NRXN3: variants seen among roughly 807,000 people sequenced by gnomAD.
NRXN3 encodes neurexin 3.
A neutral mutation model predicts 137.6 loss-of-function variants in NRXN3; 32 were observed. The observed-to-expected ratio is 0.23, with a 90% CI of 0.18 to 0.31. NRXN3 has a LOEUF of 0.31. NRXN3 is among the 10% of genes least tolerant of loss of function. NRXN3 has a pLI of 1.00. For missense variants in NRXN3, 1,574 were observed against 2,062.5 expected (o/e 0.76, Z 4.59); for synonymous variants, 798 against 784.5 (o/e 1.02, Z -0.29).
At chr14:79,589,656 T>C (rs2153819709) in intron 16 of NRXN3, among the ~76,000 whole-genome samples, 1 of 151,434 alleles carries the variant, frequency 6.6e-6, no homozygotes, top group African/African-American at 2.4e-5. Flanking sequence ...GCTTTTTAAG[T>C]GGCATTTTCT....
At chr14:78,782,450 G>T (rs1002337750) in intron 8 of NRXN3, among the ~76,000 whole-genome samples, 20 of 152,242 alleles carry the variant, frequency 1.3e-4, no homozygotes, top group Admixed American at 1.2e-3. Context: ...GAAAAACAAC[G>T]CCTCTGGTTG....
At chr14:79,817,548 C>T (rs1223389850) in intron 20 of NRXN3, among the ~76,000 whole-genome samples, 1 of 152,132 alleles carries the variant, frequency 6.6e-6, no homozygotes, top group African/African-American at 2.4e-5. Context: ...TCACAGCAAT[C>T]ATGTGAGAGT....
intron 1 of NRXN3, among the ~76,000 whole-genome samples, chr14:78,176,732 T>C (rs1225150657): frequency 6.6e-6 from 1 of 152,140 alleles, no homozygotes; most frequent in African/African-American, 2.4e-5. Flanking sequence ...TAGGGCTCTT[T>C]CTACTCCATC....
chr14:78,832,578 C>T (rs1400530719), intron 10 of NRXN3, among the ~76,000 whole-genome samples: 1 of 151,900 alleles, frequency 6.6e-6, no homozygotes, highest in Non-Finnish European at 1.5e-5. Context: ...CAGCATGTTT[C>T]TCAGTGGGGA....
rs1352315393 is a variant in NRXN3 at position 78,495,237 on chromosome 14, A to T, written c.758-149883A>T. Among the ~76,000 whole-genome samples, 3 of 151,858 alleles carry T rather than the reference A, an allele frequency of 2.0e-5. 1 individual carries two copies. The highest frequency in any genetic ancestry group is 2.0e-4 in the Admixed American group (3 of 15,216). On this transcript the variant is annotated intron_variant, in intron 4 of 20. Transcript: ENST00000335750. ...CATTTTTCATTCCATTTCTACTGGG[A>T]TGAGCAAAATTGACAGCTTCTAGAC...
At chr14:79,270,579 A>C (rs116563077) in intron 15 of NRXN3, among the ~76,000 whole-genome samples, 1,872 of 152,282 alleles carry the variant, frequency 0.012, 40 homozygotes, top group African/African-American at 0.043. Context: ...CATTCCCTGC[A>C]TGATTTCAGA....
chr14:78,506,001 G>A (rs1204619520), intron 4 of NRXN3, among the ~76,000 whole-genome samples: 34 of 152,074 alleles, frequency 2.2e-4, no homozygotes, highest in Admixed American at 2.2e-3. Flanking sequence ...CGCTTAACCT[G>A]TGATCTACCC....
intron 2 of NRXN3, among the ~76,000 whole-genome samples, chr14:78,254,099 C>T (rs2069106671): frequency 6.6e-6 from 1 of 152,190 alleles, no homozygotes; most frequent in South Asian, 2.1e-4. Context: ...GCTAGCAGTA[C>T]ACATACCACT....
chr14:78,299,646 AT>A (rs2153528979), intron 4 of NRXN3, among the ~76,000 whole-genome samples: 1 of 152,236 alleles, frequency 6.6e-6, no homozygotes, highest in South Asian at 2.1e-4. Context: ...CTTGATCTTG[AT>A]TTAACTTATT....
chr14:79,008,594 T>C (rs2099560658), intron 15 of NRXN3, among the ~76,000 whole-genome samples: 1 of 151,996 alleles, frequency 6.6e-6, no homozygotes, highest in Non-Finnish European at 1.5e-5. Context: ...CAAAATAAAA[T>C]TCCTGGGGTT....
chr14:78,594,624 G>C (rs1447408277), intron 4 of NRXN3, among the ~76,000 whole-genome samples: 1 of 152,036 alleles, frequency 6.6e-6, no homozygotes, highest in Admixed American at 6.5e-5. Flanking sequence ...TTCATATTTG[G>C]GCCAGAAGTC....
chr14:78,954,351 A>G (rs2099392611), intron 10 of NRXN3, among the ~76,000 whole-genome samples: 1 of 152,212 alleles, frequency 6.6e-6, no homozygotes, highest in Non-Finnish European at 1.5e-5. Flanking sequence ...ATACTATTCC[A>G]TATCATTTTA....
At chr14:79,534,484 G>A (rs1216206417) in intron 16 of NRXN3, among the ~76,000 whole-genome samples, 2 of 152,124 alleles carry the variant, frequency 1.3e-5, no homozygotes, top group African/African-American at 2.4e-5. Flanking sequence ...TTCGAACATA[G>A]CCTCTCTAAA....
At chr14:79,574,170 T>C (rs1227403147) in intron 16 of NRXN3, among the ~76,000 whole-genome samples, 1 of 152,096 alleles carries the variant, frequency 6.6e-6, no homozygotes, top group Non-Finnish European at 1.5e-5. Context: ...AACAATGTTA[T>C]ATTTGCTTAG....
At chr14:79,551,715 G>A (rs1016815978) in intron 16 of NRXN3, among the ~76,000 whole-genome samples, 8 of 152,172 alleles carry the variant, frequency 5.3e-5, no homozygotes, top group Non-Finnish European at 7.4e-5. Flanking sequence ...CAGTGAAACT[G>A]AAATGCGCAG....
intron 1 of NRXN3, among the ~76,000 whole-genome samples, chr14:78,234,612 A>T (rs1243761590): frequency 6.6e-6 from 1 of 152,000 alleles, no homozygotes; most frequent in African/African-American, 2.4e-5. Context: ...TCTACTTTGG[A>T]CCCTAGAGGC....
At chr14:78,550,849 A>C (rs1325200103) in intron 4 of NRXN3, among the ~76,000 whole-genome samples, 1 of 152,218 alleles carries the variant, frequency 6.6e-6, no homozygotes, top group Non-Finnish European at 1.5e-5. Context: ...CTATACTGCC[A>C]TGCTGTTATA....
intron 20 of NRXN3, among the ~76,000 whole-genome samples, chr14:79,831,571 G>A (rs1018290563): frequency 5.3e-5 from 8 of 152,136 alleles, no homozygotes; most frequent in Non-Finnish European, 4.4e-5. Flanking sequence ...CCAAACGAGG[G>A]TTTTCTAGCT....
In NRXN3 at chr14:78,578,940, T is replaced by A. The variant is rs554771244; in HGVS notation, c.758-66180T>A. ...TTGTTTTTCATTGTGCCACTTGGTT[T>A]GCAGAAAAGAAAAAAGAAAAAAAAA... On this transcript the variant is annotated intron_variant, in intron 4 of 20. Coordinates refer to ENST00000335750, the MANE Select transcript of NRXN3 (RefSeq NM_001330195.2). Among the ~76,000 whole-genome samples, 6 of 151,192 alleles carry A rather than the reference T, an allele frequency of 4.0e-5. No individual in the cohort carries two copies. The South Asian group carries it at 1.0e-3, about 26-fold the overall frequency.
Sources: gnomAD v4.1 joint callset for allele counts (sites outside exome capture counted in the v4.1 genomes callset) on GRCh38, gnomAD v4.1.1 for gene constraint, MANE v1.5 for transcripts, NCBI Gene and HGNC (gene_info 2026-07-23, HGNC 2026-07-21) for gene names.